The following CSGALNACT1 variants were observed in gnomAD, a reference collection of about 807,000 sequenced individuals.
CSGALNACT1 encodes chondroitin sulfate N-acetylgalactosaminyltransferase 1.
CSGALNACT1 carries 52 observed loss-of-function variants against 51.0 expected under a neutral mutation model. The ratio of observed to expected loss-of-function variants is 1.02; its 90% CI spans 0.82 to 1.29. The LOEUF (loss-of-function observed/expected upper bound fraction) is 1.29, where lower values mean the gene tolerates loss of function less well. CSGALNACT1 is among the 50% of genes most tolerant of loss of function. CSGALNACT1 has a pLI of 0.00. For missense variants in CSGALNACT1, 935 were observed against 679.2 expected (o/e 1.38, Z -4.19); for synonymous variants, 341 against 254.4 (o/e 1.34, Z -3.24).
At position 19,530,741 on chromosome 8, in the gene CSGALNACT1, AGAAAAG is replaced by A. The variant is rs769077376; in HGVS notation, c.-296-24617_-296-24612del. 5.1e-4 allele frequency among the ~76,000 whole-genome samples: 77 copies of A among 152,222 alleles called. 1 individual carries two copies. Among genetic ancestry groups the A allele is most frequent in the Non-Finnish European group, 9.8e-4 (67 of 68,040 alleles). ...GCAAGACCTTATCTCATAAAGGAAT[AGAAAAG>A]GAAAAAGTTGATTGTCCATGAAGTT... On this transcript the variant is annotated intron_variant, in intron 3 of 9. Coordinates refer to ENST00000454498, the Ensembl canonical transcript of CSGALNACT1.
chr8:19,689,721 C>T (rs1041592472), intron 1 of CSGALNACT1, among the ~76,000 whole-genome samples: 5 of 152,220 alleles, frequency 3.3e-5, no homozygotes, highest in African/African-American at 7.2e-5. Flanking sequence ...TAAAGTTCCA[C>T]ATCACCAAAC....
At chr8:19,603,682 A>C (rs1398431657), upstream of CSGALNACT1, among the ~76,000 whole-genome samples, 1 of 152,214 alleles carries the variant, frequency 6.6e-6, no homozygotes, top group East Asian at 1.9e-4. Flanking sequence ...CAACCACTTA[A>C]ATTTTCTTTT....
chr8:19,580,147 T>C (rs1158908061), intron 3 of CSGALNACT1, among the ~76,000 whole-genome samples: 1 of 152,202 alleles, frequency 6.6e-6, no homozygotes, highest in Non-Finnish European at 1.5e-5. Flanking sequence ...GGAGCAGTCT[T>C]ACTGGGATGA....
intron 3 of CSGALNACT1, among the ~76,000 whole-genome samples, chr8:19,572,781 G>C (rs997294268): frequency 2.6e-5 from 4 of 152,000 alleles, no homozygotes; most frequent in Admixed American, 6.6e-5. Flanking sequence ...TATTATCTGG[G>C]GTCACTGATA....
chr8:19,552,636 C>T (rs2088466044), intron 3 of CSGALNACT1, among the ~76,000 whole-genome samples: 2 of 152,282 alleles, frequency 1.3e-5, no homozygotes, highest in South Asian at 4.1e-4. Context: ...ACATTAAAAA[C>T]ATGACGACAT....
intron 3 of CSGALNACT1, among the ~76,000 whole-genome samples, chr8:19,586,633 T>C (rs563798055): frequency 1.6e-4 from 24 of 152,246 alleles, no homozygotes; most frequent in Middle Eastern, 3.4e-3. Flanking sequence ...AGTCTATGAC[T>C]GGCAATGAAG....
rs1436196773 is a variant in CSGALNACT1 at position 19,537,787 on chromosome 8, A to T, written c.-296-31657T>A. ...GTTAAATGTAAGAGATTAAACTTTT[A>T]AAACTTTTAGGAAAAAACATAGGAC... On this transcript the variant is annotated intron_variant, in intron 3 of 9. Coordinates refer to ENST00000454498, the Ensembl canonical transcript of CSGALNACT1. Among the ~76,000 whole-genome samples the T allele has an allele frequency of 2.0e-5, 3 of 152,244 alleles. No individual in the cohort carries two copies. In the East Asian group the frequency reaches 5.8e-4, roughly 29 times the overall value.
At chr8:19,572,472 T>C (rs2043239248) in intron 3 of CSGALNACT1, among the ~76,000 whole-genome samples, 1 of 152,152 alleles carries the variant, frequency 6.6e-6, no homozygotes, top group Admixed American at 6.5e-5. Flanking sequence ...TCTGTTCAGA[T>C]AAACTAGCCT....
chr8:19,458,651 A>G lies in CSGALNACT1; in HGVS notation c.635-9T>C, dbSNP rs763278301. The G allele has an allele frequency of 1.7e-5, 27 of 1,613,082 alleles. No homozygotes were observed. In the South Asian group the frequency reaches 2.7e-4, roughly 16 times the overall value. On this transcript the variant is annotated splice_polypyrimidine_tract_variant and intron_variant, in intron 4 of 9. Coordinates refer to ENST00000454498, the Ensembl canonical transcript of CSGALNACT1. Reference sequence around the variant, plus strand: ...TTCTGTTCGGTAGATCCCTGTTAAGAGAAAAACAAGGAAAGATAGTTCTAA... The same window carrying G: ...TTCTGTTCGGTAGATCCCTGTTAAGGGAAAAACAAGGAAAGATAGTTCTAA...
intron 2 of CSGALNACT1, among the ~76,000 whole-genome samples, chr8:19,600,332 G>A (rs372977225): frequency 1.3e-4 from 20 of 152,032 alleles, no homozygotes; most frequent in African/African-American, 3.4e-4. Context: ...CACCTGCTTC[G>A]GTCTCCCAAA....
chr8:19,745,074 C>A (rs758037803), intron 1 of CSGALNACT1, among the ~76,000 whole-genome samples: 4 of 152,174 alleles, frequency 2.6e-5, no homozygotes, highest in Admixed American at 6.5e-5. Context: ...GCTGGTTCAG[C>A]CTGTCATAGT....
rs564367382 is a variant in CSGALNACT1, at chr8:19,581,308, C to G, written c.-297+9852G>C. ...ATATAAATAGCATATTCAGGCCTGA[C>G]TCATAGTTTCATACTCAATTATGCT... On this transcript the variant is annotated intron_variant, in intron 3 of 9. Transcript: ENST00000454498. 1.6e-4 allele frequency among the ~76,000 whole-genome samples: 24 copies of G among 152,298 alleles called. 1 individual carries two copies. The South Asian group carries it at 4.6e-3, about 29-fold the overall frequency.
chr8:19,481,252 C>T (rs1363175740), intron 4 of CSGALNACT1, among the ~76,000 whole-genome samples: 1 of 152,108 alleles, frequency 6.6e-6, no homozygotes, highest in African/African-American at 2.4e-5. Flanking sequence ...GACCTCTGTG[C>T]CCTGGGTGTC....
intron 1 of CSGALNACT1, among the ~76,000 whole-genome samples, chr8:19,641,203 C>CAA (rs1316596871): frequency 1.4e-5 from 2 of 142,456 alleles, no homozygotes; most frequent in Non-Finnish European, 3.0e-5. Flanking sequence ...ACAAGACCTT[C>CAA]AAGTGTTCAA....
intron 1 of CSGALNACT1, among the ~76,000 whole-genome samples, chr8:19,693,309 A>C (rs938289383): frequency 1.3e-5 from 2 of 151,930 alleles, no homozygotes; most frequent in Non-Finnish European, 2.9e-5. Context: ...CTACAGTCCC[A>C]GGTGCTTCTG....
intron 4 of CSGALNACT1, among the ~76,000 whole-genome samples, chr8:19,477,412 C>G (rs1187118121): frequency 4.6e-5 from 7 of 152,192 alleles, no homozygotes; most frequent in Non-Finnish European, 4.4e-5. Context: ...GCCTAGAAAA[C>G]TTTTCCAGCG....
At chr8:19,568,582 G>T (rs1221810205) in intron 3 of CSGALNACT1, among the ~76,000 whole-genome samples, 1 of 152,020 alleles carries the variant, frequency 6.6e-6, no homozygotes, top group Non-Finnish European at 1.5e-5. Context: ...AAAACAAAAG[G>T]ACTTTAAATT....
chr8:19,699,689 A>G (rs1183514912), intron 1 of CSGALNACT1, among the ~76,000 whole-genome samples: 1 of 152,240 alleles, frequency 6.6e-6, no homozygotes, highest in African/African-American at 2.4e-5. Context: ...TGCAAGATGA[A>G]GAGTTCTAGA....
At chr8:19,618,563 C>T (rs1415696853) in intron 1 of CSGALNACT1, among the ~76,000 whole-genome samples, 1 of 124,666 alleles carries the variant, frequency 8.0e-6, no homozygotes, top group Admixed American at 1.1e-4. Context: ...TCGTTTTAAC[C>T]TGGAAGGGGA....
Sources: gnomAD v4.1 joint callset for allele counts (sites outside exome capture counted in the v4.1 genomes callset) on GRCh38, gnomAD v4.1.1 for gene constraint, MANE v1.5 for transcripts, NCBI Gene and HGNC (gene_info 2026-07-23, HGNC 2026-07-21) for gene names.